Variants in DUSP28 observed in about 807,000 individuals in gnomAD.
The protein encoded by DUSP28 is dual specificity phosphatase 28.
DUSP28 carries 11 observed loss-of-function variants against 8.4 expected under a neutral mutation model. The observed-to-expected ratio is 1.31, with a 90% CI of 0.83 to 2.17. The LOEUF (loss-of-function observed/expected upper bound fraction) is 2.17. Ranked by LOEUF, DUSP28 falls within the 30% of genes most tolerant of loss-of-function variation. The probability of loss-of-function intolerance (pLI) is 0.00; values close to 1 mark genes in which losing one functional copy is unlikely to be tolerated. For missense variants in DUSP28, 373 were observed against 270.4 expected (o/e 1.38, Z -2.66); for synonymous variants, 178 against 130.9 (o/e 1.36, Z -2.46).
rs570675824 is a variant in DUSP28 at position 240,563,311 on chromosome 2, C to G, written c.*1844C>G. On this transcript the variant is annotated 3_prime_UTR_variant, in exon 2 of 2. Coordinates refer to ENST00000405954, the MANE Select transcript of DUSP28 (RefSeq NM_001370465.2). ...CCGCCTCCCGGCTTCATGCCATTCTCGTCCTTCAGCCTCCTGAGTGGCTGG... is the reference window on the plus strand; with the variant it reads ...CCGCCTCCCGGCTTCATGCCATTCTGGTCCTTCAGCCTCCTGAGTGGCTGG... 2 of 152,242 alleles carry G rather than the reference C, an allele frequency of 1.3e-5. No individual in the cohort carries two copies. The highest frequency in any genetic ancestry group is 1.3e-4 in the Admixed American group (2 of 15,288). The allele number at this position is 152,242 out of a possible 1,614,324, so 9.4% of individuals were successfully genotyped here. A position where few individuals can be genotyped will look rare whatever the true frequency, so the allele number is the denominator to read the frequency against.
chr2:240,561,754 C>G lies in DUSP28; in HGVS notation c.*287C>G, dbSNP rs533123950. The G allele has an allele frequency of 1.9e-4, 72 of 382,686 alleles. 1 individual carries two copies. Among genetic ancestry groups the G allele is most frequent in the East Asian group, 5.5e-4 (10 of 18,260 alleles). The allele number at this position is 382,686 out of a possible 1,614,324, so 23.7% of individuals were successfully genotyped here. A position where few individuals can be genotyped will look rare whatever the true frequency, so the allele number is the denominator to read the frequency against. On this transcript the variant is annotated 3_prime_UTR_variant, in exon 2 of 2. Coordinates refer to ENST00000405954, the MANE Select transcript of DUSP28 (RefSeq NM_001370465.2). ...GAGTGTTTGGGGGTGCCGGCGCATT[C>G]TACCAGTCTCAGGGAAGGACATGAG... is the stretch of plus-strand genomic sequence containing the variant.
rs958864643 is a variant in DUSP28, at chr2:240,564,570, G to T, written c.*3103G>T. Among the ~76,000 whole-genome samples, 3 of 152,176 alleles carry T rather than the reference G, an allele frequency of 2.0e-5. No individual in the cohort carries two copies. The highest frequency in any genetic ancestry group is 7.2e-5 in the African/African-American group (3 of 41,444). On this transcript the variant is annotated 3_prime_UTR_variant, in exon 2 of 2. Transcript: ENST00000405954. The stretch of plus-strand genomic sequence containing the variant: ...GAAAATCTAAACCACTTAAGGAACT[G>T]GGCAGAAAGAAACTGAATGCAGGGA...
In DUSP28 at chr2:240,560,462, GCCCAAACCT is replaced by G; in HGVS notation, c.-219_-211del. 1 of 623,628 alleles carries G rather than the reference GCCCAAACCT, an allele frequency of 1.6e-6. No individual in the cohort carries two copies. The highest frequency in any genetic ancestry group is 2.4e-6 in the Non-Finnish European group (1 of 424,938). The allele number at this position is 623,628 out of a possible 1,614,324, so 38.6% of individuals were successfully genotyped here. A position where few individuals can be genotyped will look rare whatever the true frequency, so the allele number is the denominator to read the frequency against. Reference sequence around the variant, plus strand: ...TCCAAGGCCCCGGCGCCCTGGTGAGGCCCAAACCTCCCGCCATGCCCCGGCCCCAACGAG... The same window carrying G: ...TCCAAGGCCCCGGCGCCCTGGTGAGGCCCGCCATGCCCCGGCCCCAACGAG... On this transcript the variant is annotated 5_prime_UTR_variant, in exon 1 of 2. Coordinates refer to ENST00000405954, the MANE Select transcript of DUSP28 (RefSeq NM_001370465.2).
chr2:240,563,062 A>G lies in DUSP28; in HGVS notation c.*1595A>G, dbSNP rs2092990922. 1 of 152,314 alleles carries G rather than the reference A, an allele frequency of 6.6e-6. No individual in the cohort carries two copies. Among genetic ancestry groups the G allele is most frequent in the Admixed American group, 6.5e-5 (1 of 15,280 alleles). The allele number at this position is 152,314 out of a possible 1,614,324, so 9.4% of individuals were successfully genotyped here. On this transcript the variant is annotated 3_prime_UTR_variant, in exon 2 of 2. Coordinates refer to ENST00000405954, the MANE Select transcript of DUSP28 (RefSeq NM_001370465.2). ...GGCTCCCACGCAGCTCACTACAGAC[A>G]TGACCAGAGCAGCAGGAACCAAAGG... is the stretch of plus-strand genomic sequence containing the variant.
upstream of DUSP28, chr2:240,560,057 T>A (rs762875792): frequency 1.3e-5 from 2 of 152,380 alleles, no homozygotes; most frequent in Non-Finnish European, 2.9e-5. Flanking sequence ...AATAGTGTGG[T>A]CTATGAAGAA....
At chr2:240,561,101 GT>G in intron 1 of DUSP28, 24 bp downstream of exon 1, 2 of 1,463,816 alleles carry the variant, frequency 1.4e-6, no homozygotes, top group Non-Finnish European at 1.8e-6. Context: ...TAGGGGGGCG[GT>G]GTTTCGAGAG....
Position 240,561,401 on chromosome 2 carries a change from G to A in DUSP28, c.465G>A (p.Glu155=), listed in dbSNP as rs746680177. The change falls in exon 2 of 2, where the codon GAG becomes GAA. Residue 155 remains glutamate (E), a synonymous_variant. Coordinates refer to ENST00000405954, the MANE Select transcript of DUSP28 (RefSeq NM_001370465.2). ...GGTCTCAGCTCCAGAAGTATGAGGAGGCCCTCCAGGCCCAGTCCTGCCTGC... is the reference window on the plus strand; with the variant it reads ...GGTCTCAGCTCCAGAAGTATGAGGAAGCCCTCCAGGCCCAGTCCTGCCTGC... The part of the protein sequence containing the change: ...GFWSQLQKYE[E]ALQAQSCLQG... 20 of 1,613,768 alleles carry A rather than the reference G, an allele frequency of 1.2e-5. No homozygotes were observed. In the South Asian group the frequency reaches 2.2e-4, roughly 18 times the overall value.
At position 240,563,895 on chromosome 2, in the gene DUSP28, G is replaced by GTA. The variant is rs1176685431; in HGVS notation, c.*2433_*2434dup. The GTA allele has an allele frequency of 1.3e-5, 2 of 152,288 alleles. No individual in the cohort carries two copies. The highest frequency in any genetic ancestry group is 2.9e-5 in the Non-Finnish European group (2 of 68,044). 9.4% of individuals were successfully genotyped at this position (152,288 alleles called of 1,614,324 possible). A position where few individuals can be genotyped will look rare whatever the true frequency, so the allele number is the denominator to read the frequency against. On this transcript the variant is annotated 3_prime_UTR_variant, in exon 2 of 2. Coordinates refer to ENST00000405954, the MANE Select transcript of DUSP28 (RefSeq NM_001370465.2). ...TTTTGTCTGCCATGTCATTTATGATGTATATAACCTCTTTAATGCCTGAAA... is the reference window on the plus strand; with the variant it reads ...TTTTGTCTGCCATGTCATTTATGATGTATATATAACCTCTTTAATGCCTGAAA...
At chr2:240,561,176 C>A (rs2092944574) in intron 1 of DUSP28, 99 bp downstream of exon 1, 1 of 1,495,258 alleles carries the variant, frequency 6.7e-7, no homozygotes, top group Admixed American at 2.5e-5. Flanking sequence ...ACAGGCACTT[C>A]CGGGAGGGGC....
chr2:240,560,899 A>G lies in DUSP28; in HGVS notation c.215A>G (p.Asp72Gly). Residue 72 changes from aspartate to glycine, a missense_variant, in exon 1 of 2, where the codon GAC becomes GGC. Transcript: ENST00000405954. ...GCAGAGCTGCGCGTGCCCGTGTTCG[A>G]CGACCCGGCTGAGGACCTGCTGGCG... ...GVAELRVPVF[D>G]DPAEDLLAHL... is the part of the protein sequence containing the mutation. 1.3e-6 allele frequency: 2 copies of G among 1,522,540 alleles called. No individual in the cohort carries two copies. The allele number at this position is 1,522,540 out of a possible 1,614,324, so 94.3% of individuals were successfully genotyped here.
rs767820011 is a variant in DUSP28, at chr2:240,561,351, G to A, written c.415G>A (p.Val139Ile). The A allele has an allele frequency of 2.5e-6, 4 of 1,613,886 alleles. No homozygotes were observed. Among genetic ancestry groups the A allele is most frequent in the Non-Finnish European group, 3.4e-6 (4 of 1,180,036 alleles). Residue 139 changes from valine (V) to isoleucine (I), a missense_variant, in exon 2 of 2, where the codon GTA becomes ATA. Coordinates refer to ENST00000405954, the MANE Select transcript of DUSP28 (RefSeq NM_001370465.2). ...GCAGATGGTGAAGAGCGCTCGCCCG[G>A]TAGCAGAACCGAACCCGGGCTTCTG... is the stretch of plus-strand genomic sequence containing the variant. ...AFQMVKSARP[V>I]AEPNPGFWSQ...
Position 240,561,065 on chromosome 2 carries a change from G to T in DUSP28, c.381G>T (p.Ala127=). 6.7e-7 allele frequency: 1 copy of T among 1,492,224 alleles called. No individual in the cohort carries two copies. The highest frequency in any genetic ancestry group is 8.8e-7 in the Non-Finnish European group (1 of 1,130,570). The allele number at this position is 1,492,224 out of a possible 1,614,324, so 92.4% of individuals were successfully genotyped here. A position where few individuals can be genotyped will look rare whatever the true frequency, so the allele number is the denominator to read the frequency against. The change falls in exon 1 of 2, where the codon GCG becomes GCT. Residue 127 remains alanine, a synonymous_variant. Transcript: ENST00000405954. ...TGCGGCACCGCGGCCTCAGCCTGGC[G>T]AAGGCCTTCCAGGTGGGCGGGCCTT... ...YLMRHRGLSL[A]KAFQMVKSAR...
At chr2:240,561,241 G>T in intron 1 of DUSP28, 89 bp from the exon 2 acceptor site, 2 of 1,596,238 alleles carry the variant, frequency 1.3e-6, no homozygotes, top group South Asian at 1.1e-5. Context: ...TCCGGGTTGG[G>T]CGGGGCCCAC....
chr2:240,564,636 G>A lies in DUSP28; in HGVS notation c.*3169G>A, dbSNP rs1412332951. ...GCCAAGGACAGGAGAGGAGACATAG[G>A]GGAGTCACAGGGACCTGCCACCCAG... On this transcript the variant is annotated 3_prime_UTR_variant, in exon 2 of 2. Transcript: ENST00000405954. Among the ~76,000 whole-genome samples, 1 of 151,970 alleles carries A rather than the reference G, an allele frequency of 6.6e-6. No individual in the cohort carries two copies. Among genetic ancestry groups the A allele is most frequent in the Non-Finnish European group, 1.5e-5 (1 of 67,992 alleles).
Position 240,564,037 on chromosome 2 carries a change from G to C in DUSP28, c.*2570G>C, listed in dbSNP as rs2092994910. ...GCATTGGCAGCTTTGGTAAACTGCA[G>C]ATTCAAAAATCGAGGGAGAAATGAG... On this transcript the variant is annotated 3_prime_UTR_variant, in exon 2 of 2. Coordinates refer to ENST00000405954, the MANE Select transcript of DUSP28 (RefSeq NM_001370465.2). 1.3e-5 allele frequency: 2 copies of C among 152,406 alleles called. No homozygotes were observed. The highest frequency in any genetic ancestry group is 4.1e-4 in the South Asian group (2 of 4,838). The allele number at this position is 152,406 out of a possible 1,614,324, so 9.4% of individuals were successfully genotyped here. A position where few individuals can be genotyped will look rare whatever the true frequency, so the allele number is the denominator to read the frequency against.
Position 240,561,635 on chromosome 2 carries a change from T to C in DUSP28, c.*168T>C, listed in dbSNP as rs1457595109. ...GGCTGAGGTGATGCACAAATTATCT[T>C]ACAGACACAAAAAGAAATACATTTG... On this transcript the variant is annotated 3_prime_UTR_variant, in exon 2 of 2. Transcript: ENST00000405954. 1 of 904,736 alleles carries C rather than the reference T, an allele frequency of 1.1e-6. No homozygotes were observed. Among genetic ancestry groups the C allele is most frequent in the African/African-American group, 1.7e-5 (1 of 58,490 alleles). The allele number at this position is 904,736 out of a possible 1,614,324, so 56.0% of individuals were successfully genotyped here. A position where few individuals can be genotyped will look rare whatever the true frequency, so the allele number is the denominator to read the frequency against.
rs1192211259 is a variant in DUSP28, at chr2:240,561,403, C to T, written c.467C>T (p.Ala156Val). 6 of 1,613,736 alleles carry T rather than the reference C, an allele frequency of 3.7e-6. No homozygotes were observed. The highest frequency in any genetic ancestry group is 2.2e-5 in the South Asian group (2 of 91,090). The change falls in exon 2 of 2, where the codon GCC (alanine) becomes GTC (valine). Residue 156 changes from alanine to valine, a missense_variant. Physicochemically the swap from Ala to Val is moderately conservative, Grantham distance 64. Transcript: ENST00000405954. ...FWSQLQKYEE[A>V]LQAQSCLQGE... is the part of the protein sequence containing the mutation. The stretch of plus-strand genomic sequence containing the variant: ...TCTCAGCTCCAGAAGTATGAGGAGG[C>T]CCTCCAGGCCCAGTCCTGCCTGCAG...
chr2:240,562,616 A>C lies in DUSP28; in HGVS notation c.*1149A>C, dbSNP rs2092984655. On this transcript the variant is annotated 3_prime_UTR_variant, in exon 2 of 2. Coordinates refer to ENST00000405954, the MANE Select transcript of DUSP28 (RefSeq NM_001370465.2). Reference sequence around the variant, plus strand: ...AACAGGGTAAGAAATTGGTCTATATAGTTTTCTGTGGGATGGCCATTCTCA... The same window carrying C: ...AACAGGGTAAGAAATTGGTCTATATCGTTTTCTGTGGGATGGCCATTCTCA... 1 of 152,146 alleles carries C rather than the reference A, an allele frequency of 6.6e-6. No homozygotes were observed. Among genetic ancestry groups the C allele is most frequent in the Admixed American group, 6.6e-5 (1 of 15,264 alleles). The allele number at this position is 152,146 out of a possible 1,614,324, so 9.4% of individuals were successfully genotyped here. A position where few individuals can be genotyped will look rare whatever the true frequency, so the allele number is the denominator to read the frequency against.
chr2:240,561,117 G>A, intron 1 of DUSP28, 40 bp downstream of exon 1: 2 of 1,458,384 alleles, frequency 1.4e-6, no homozygotes, highest in Non-Finnish European at 9.0e-7. Context: ...CGAGAGGGGC[G>A]TGTCTTCCGG....
Sources: allele counts gnomAD v4.1 joint callset (sites outside exome capture counted in the v4.1 genomes callset), GRCh38; gene constraint gnomAD v4.1.1; transcripts MANE v1.5; gene names NCBI Gene and HGNC (gene_info 2026-07-23, HGNC 2026-07-21).